Variants in MELK observed in about 807,000 individuals in gnomAD.
MELK encodes the protein pEg3 kinase.
MELK carries 81 observed loss-of-function variants against 85.0 expected under a neutral mutation model. That is an observed-to-expected ratio of 0.95 (90% CI 0.80 to 1.15). The LOEUF is 1.15. Among genes scored for constraint, MELK ranks in the 50% most tolerant of loss-of-function variants. The pLI is 0.00. For synonymous variants in MELK, 252 were observed against 265.0 expected, an observed-to-expected ratio of 0.95 and a Z score of 0.48; for missense variants, 754 against 777.5, an observed-to-expected ratio of 0.97 and a Z score of 0.36.
intron 8 of MELK, among the ~76,000 whole-genome samples, chr9:36,615,453 C>A (rs866629344): frequency 2.1e-5 from 3 of 144,988 alleles, no homozygotes; most frequent in South Asian, 4.4e-4. Context: ...CTGACCCCCC[C>A]ACCTCCCTCC....
intron 6 of MELK, 81 bp from the exon 7 acceptor site, chr9:36,599,300 CAAAAAAAAAAAAA>C: frequency 3.2e-5 from 12 of 379,374 alleles, no homozygotes; most frequent in South Asian, 8.0e-5. Context: ...GACTCCGTCT[CAAAAAAAAAAAAA>C]AAAAAAAAAA....
At chr9:36,580,996 G>T (rs1822180884) in intron 1 of MELK, among the ~76,000 whole-genome samples, 2 of 152,114 alleles carry the variant, frequency 1.3e-5, no homozygotes, top group Admixed American at 1.3e-4. Flanking sequence ...CCAAAGTGCT[G>T]GGATTACAGG....
chr9:36,616,829 T>C (rs904008145), intron 8 of MELK, among the ~76,000 whole-genome samples: 1 of 149,394 alleles, frequency 6.7e-6, no homozygotes, highest in Non-Finnish European at 1.5e-5. Context: ...CCCAGTTTTT[T>C]TTTTTTTTTT....
intron 8 of MELK, among the ~76,000 whole-genome samples, chr9:36,624,083 CTTTT>C (rs774510229): frequency 3.0e-5 from 4 of 132,938 alleles, no homozygotes; most frequent in Admixed American, 7.6e-5. Flanking sequence ...TATTATACTT[CTTTT>C]TTTTTTTTTT....
At chr9:36,574,430 CAAAAAAAAA>C (rs78915626) in intron 1 of MELK, among the ~76,000 whole-genome samples, 5 of 79,932 alleles carry the variant, frequency 6.3e-5, no homozygotes, top group African/African-American at 1.5e-4. Context: ...ACTAAAAATA[CAAAAAAAAA>C]AAAAAAAAAA....
chr9:36,641,451 G>A (rs557597469), intron 10 of MELK, among the ~76,000 whole-genome samples: 1 of 152,210 alleles, frequency 6.6e-6, no homozygotes, highest in African/African-American at 2.4e-5. Flanking sequence ...CCATCAGTTT[G>A]TACCAATTCC....
chr9:36,604,657 T>G (rs1825300272), intron 7 of MELK, among the ~76,000 whole-genome samples: 3 of 151,686 alleles, frequency 2.0e-5, no homozygotes, highest in Non-Finnish European at 2.9e-5. Flanking sequence ...CTGACCCTTT[T>G]TTTTGAGACA....
At position 36,613,109 on chromosome 9, in the gene MELK, T is replaced by A. The variant is rs73436990; in HGVS notation, c.666+5436T>A. Among the ~76,000 whole-genome samples, 860 of 152,264 alleles carry A rather than the reference T, an allele frequency of 5.6e-3. 9 individuals carry two copies. The highest frequency in any genetic ancestry group is 0.02 in the African/African-American group (832 of 41,552). On this transcript the variant is annotated intron_variant, in intron 8 of 17. Transcript: ENST00000298048. ...TGCCTCACTTGTGCCACCCACATTG[T>A]CCTCCTTGTTGTTTCTTTTTTCCCC...
Position 36,583,713 on chromosome 9 carries a change from G to C in MELK, c.144+1G>C, listed in dbSNP as rs1454235585. 2 of 1,596,298 alleles carry C rather than the reference G, an allele frequency of 1.3e-6. No homozygotes were observed. The highest frequency in any genetic ancestry group is 1.1e-5 in the South Asian group (1 of 90,350). ...AATCATGGATAAAAACACACTAGGGGTAAGTTTAGATTTATTTAAAAAATA... is the reference window on the plus strand; with the variant it reads ...AATCATGGATAAAAACACACTAGGGCTAAGTTTAGATTTATTTAAAAAATA... On this transcript the variant is annotated splice_donor_variant, in intron 3 of 17. Coordinates refer to ENST00000298048, the MANE Select transcript of MELK (RefSeq NM_014791.4). LOFTEE classifies it high-confidence loss of function.
At chr9:36,654,887 TA>T (rs2137377711) in intron 12 of MELK, among the ~76,000 whole-genome samples, 1 of 152,360 alleles carries the variant, frequency 6.6e-6, no homozygotes, top group South Asian at 2.1e-4. Context: ...GGTTCGCTTC[TA>T]ATCTTTATGC....
At chr9:36,592,923 C>A (rs761657723) in intron 4 of MELK, among the ~76,000 whole-genome samples, 24 of 152,154 alleles carry the variant, frequency 1.6e-4, no homozygotes, top group Non-Finnish European at 2.2e-4. Context: ...TTTTCTCCAG[C>A]CCTTTTGAAG....
chr9:36,601,764 C>T (rs10814411), intron 7 of MELK, among the ~76,000 whole-genome samples: 34,228 of 152,092 alleles, frequency 0.23, 6,292 homozygotes, highest in African/African-American at 0.51. Flanking sequence ...ACCCTTCTGC[C>T]TTCTGTCTCT....
rs777536723 is a variant in MELK, at chr9:36,649,975, G to A, written c.922-1771G>A. On this transcript the variant is annotated intron_variant, in intron 11 of 17. Transcript: ENST00000298048. ...TTATTTATTTTTGAGACAGAATCTC[G>A]CTCTGTCGCCCAGGCTGGAGTGCAG... Among the ~76,000 whole-genome samples, 104 of 151,460 alleles carry A rather than the reference G, an allele frequency of 6.9e-4. 1 individual carries two copies. Among genetic ancestry groups the A allele is most frequent in the Non-Finnish European group, 2.5e-4 (17 of 67,874 alleles).
At chr9:36,618,519 A>G (rs1172121805) in intron 8 of MELK, among the ~76,000 whole-genome samples, 1 of 152,182 alleles carries the variant, frequency 6.6e-6, no homozygotes, top group Non-Finnish European at 1.5e-5. Context: ...TATTTAAAAT[A>G]GTCTTGCTAA....
intron 11 of MELK, among the ~76,000 whole-genome samples, chr9:36,649,247 G>T (rs893945841): frequency 2.0e-5 from 3 of 152,202 alleles, no homozygotes; most frequent in Non-Finnish European, 4.4e-5. Flanking sequence ...AGCACTTTGG[G>T]AGGCCAGCGC....
At chr9:36,675,033 C>T in intron 17 of MELK, 96 bp downstream of exon 17, 1 of 806,728 alleles carries the variant, frequency 1.2e-6, no homozygotes, top group South Asian at 1.6e-5. Flanking sequence ...CGCCTGTAAT[C>T]CCAGCACTTT....
chr9:36,578,119 T>C (rs989234955), intron 1 of MELK, among the ~76,000 whole-genome samples: 4 of 152,206 alleles, frequency 2.6e-5, no homozygotes, highest in African/African-American at 4.8e-5. Flanking sequence ...CACTCCTAGC[T>C]GTAGGTTTGG....
At chr9:36,645,114 C>T (rs193244731) in intron 11 of MELK, among the ~76,000 whole-genome samples, 1 of 151,846 alleles carries the variant, frequency 6.6e-6, no homozygotes, top group Admixed American at 6.6e-5. Flanking sequence ...AAAAATTAGC[C>T]GGGCGTGGTG....
At chr9:36,641,503 G>A (rs892031870) in intron 10 of MELK, among the ~76,000 whole-genome samples, 2 of 152,128 alleles carry the variant, frequency 1.3e-5, no homozygotes, top group African/African-American at 4.8e-5. Context: ...CAGGCAGCAG[G>A]AGGGAGATGC....
Sources: gnomAD v4.1 joint callset for allele counts (sites outside exome capture counted in the v4.1 genomes callset) on GRCh38, gnomAD v4.1.1 for gene constraint, MANE v1.5 for transcripts, NCBI Gene and HGNC (gene_info 2026-07-23, HGNC 2026-07-21) for gene names.